Variants in RUNX1T1 observed in about 807,000 individuals in gnomAD.
RUNX1T1 encodes the protein protein CBFA2T1.
In RUNX1T1, 4 loss-of-function variants were observed where a neutral mutation model predicts 62.8. The ratio of observed to expected loss-of-function variants is 0.06; its 90% confidence interval spans 0.03 to 0.15. The LOEUF is 0.15. Ranked by LOEUF, RUNX1T1 falls within the 10% of genes least tolerant of loss-of-function variation. The pLI is 1.00. For synonymous variants in RUNX1T1, 291 were observed against 286.0 expected (o/e 1.02, Z -0.18); for missense variants, 508 against 754.3 (o/e 0.67, Z 3.82).
chr8:92,034,430 C>T (rs1826862298), intron 1 of RUNX1T1, among the ~76,000 whole-genome samples: 1 of 152,048 alleles, frequency 6.6e-6, no homozygotes, highest in African/African-American at 2.4e-5. Flanking sequence ...AAGTTGAGGC[C>T]TCTGGAAGGG....
exon 6 of RUNX1T1, chr8:91,991,684 G>T: frequency 6.2e-7 from 1 of 1,614,064 alleles, no homozygotes; most frequent in Non-Finnish European, 8.5e-7. Flanking sequence ...CTGGGGTGTC[G>T]ATAGGAGTCC....
At chr8:92,048,504 C>A (rs1829756486) in intron 1 of RUNX1T1, among the ~76,000 whole-genome samples, 1 of 151,982 alleles carries the variant, frequency 6.6e-6, no homozygotes, top group South Asian at 2.1e-4. Flanking sequence ...CACAGTGAGA[C>A]CCCATCTCTC....
chr8:91,969,344 G>A (rs1812286740), intron 10 of RUNX1T1, among the ~76,000 whole-genome samples: 1 of 152,086 alleles, frequency 6.6e-6, no homozygotes, highest in Non-Finnish European at 1.5e-5. Flanking sequence ...GACCTAAAAA[G>A]TACTCTTAAC....
intron 1 of RUNX1T1, among the ~76,000 whole-genome samples, chr8:92,023,515 A>G (rs1824530994): frequency 6.6e-6 from 1 of 152,194 alleles, no homozygotes; most frequent in East Asian, 1.9e-4. Context: ...CATTAAAATT[A>G]ATGTCTACCT....
chr8:92,007,772 C>A (rs1326332115), intron 4 of RUNX1T1, among the ~76,000 whole-genome samples: 1 of 152,014 alleles, frequency 6.6e-6, no homozygotes, highest in African/African-American at 2.4e-5. Flanking sequence ...GAGTTTGAGA[C>A]CAGCCTGGGC....
intron 1 of RUNX1T1, among the ~76,000 whole-genome samples, chr8:92,039,885 T>G (rs955282076): frequency 1.3e-5 from 2 of 152,160 alleles, no homozygotes; most frequent in Non-Finnish European, 2.9e-5. Context: ...TCATTGACAC[T>G]GTGGCCCATC....
chr8:92,102,773 C>T, upstream of RUNX1T1: 2 of 1,331,864 alleles, frequency 1.5e-6, no homozygotes, highest in Non-Finnish European at 9.9e-7. The surrounding 1 kb of genome is among the most constrained non-coding windows in gnomAD (Gnocchi z 4.5). Context: ...ACGAAGATGA[C>T]GGTCATCGGA....
chr8:92,079,860 G>C (rs531654417), intron 1 of RUNX1T1, among the ~76,000 whole-genome samples: 1 of 152,008 alleles, frequency 6.6e-6, no homozygotes, highest in South Asian at 2.1e-4. Context: ...CTGACTTCAC[G>C]GCCCTTCCCA....
intron 8 of RUNX1T1, chr8:91,980,005 A>G (rs1814867980): frequency 3.4e-6 from 1 of 296,574 alleles, no homozygotes; most frequent in African/African-American, 2.2e-5. Context: ...GAAAGAGTTA[A>G]GTAATTTTAT....
At chr8:91,990,596 T>C (rs1817461837) in intron 6 of RUNX1T1, among the ~76,000 whole-genome samples, 1 of 152,170 alleles carries the variant, frequency 6.6e-6, no homozygotes, top group African/African-American at 2.4e-5. Flanking sequence ...TCATTTTTCA[T>C]GGTAGACATT....
At chr8:92,019,745 A>T (rs1823728828) in intron 1 of RUNX1T1, among the ~76,000 whole-genome samples, 1 of 152,190 alleles carries the variant, frequency 6.6e-6, no homozygotes, top group Non-Finnish European at 1.5e-5. Context: ...TATTTAAGAT[A>T]ATCTTTGTAT....
At chr8:92,102,779 T>C, upstream of RUNX1T1, 1 of 1,380,552 alleles carries the variant, frequency 7.2e-7, no homozygotes, top group Non-Finnish European at 9.6e-7. This position sits in a 1 kb window ranked among gnomAD's most constrained non-coding sequence, Gnocchi z 4.5. Context: ...ATGACGGTCA[T>C]CGGAACAGTA....
At chr8:92,008,750 G>A (rs894169861) in intron 4 of RUNX1T1, among the ~76,000 whole-genome samples, 1 of 152,056 alleles carries the variant, frequency 6.6e-6, no homozygotes, top group Admixed American at 6.6e-5. Context: ...AGTACTTCTG[G>A]AGAGAAGTTA....
chr8:91,971,856 G>GAC (rs1341342134), intron 9 of RUNX1T1, among the ~76,000 whole-genome samples: 3 of 152,056 alleles, frequency 2.0e-5, no homozygotes, highest in Admixed American at 6.5e-5. Context: ...ACATAAGACT[G>GAC]ACAACTAAAA....
chr8:91,989,704 C>T (rs564438703), intron 6 of RUNX1T1, among the ~76,000 whole-genome samples: 1 of 152,236 alleles, frequency 6.6e-6, no homozygotes, highest in South Asian at 2.1e-4. Flanking sequence ...GACTCCACTG[C>T]TATTTAAAAA....
chr8:91,966,163 CTATA>C (rs60514195), intron 10 of RUNX1T1, among the ~76,000 whole-genome samples: 1 of 145,020 alleles, frequency 6.9e-6, no homozygotes, highest in Admixed American at 7.0e-5. Flanking sequence ...TATTGTATAA[CTATA>C]TATATATATA....
chr8:92,013,192 TC>T lies in RUNX1T1; in HGVS notation c.387+1386del, dbSNP rs1244666948. ...TGTTAAAAAAGCTTATTATGCAAAT[TC>T]AAGAATGAATAAAAAGGAAAAGATA... On this transcript the variant is annotated intron_variant, in intron 3 of 10. Transcript: ENST00000396218. Among the ~76,000 whole-genome samples, 20 of 152,334 alleles carry T rather than the reference TC, an allele frequency of 1.3e-4. No homozygotes were observed. The East Asian group carries it at 3.5e-3, about 26-fold the overall frequency.
intron 10 of RUNX1T1, among the ~76,000 whole-genome samples, chr8:91,968,639 G>A (rs1388736355): frequency 6.6e-6 from 1 of 152,040 alleles, no homozygotes; most frequent in African/African-American, 2.4e-5. Flanking sequence ...TAAAGAATAA[G>A]AAAACAGACC....
At chr8:92,043,970 C>A in intron 1 of RUNX1T1, among the ~76,000 whole-genome samples, 1 of 140,138 alleles carries the variant, frequency 7.1e-6, no homozygotes, top group African/African-American at 2.6e-5. Flanking sequence ...AAGAGTGAAA[C>A]TCCGTCTCAA....
Sources: allele counts gnomAD v4.1 joint callset (sites outside exome capture counted in the v4.1 genomes callset), GRCh38; gene constraint gnomAD v4.1.1; non-coding constraint Gnocchi (gnomAD v3.1); transcripts MANE v1.5; gene names NCBI Gene and HGNC (gene_info 2026-07-23, HGNC 2026-07-21).